UNC5D: variants seen among roughly 807,000 people sequenced by gnomAD.
The protein encoded by UNC5D is unc-5 netrin receptor D.
Under a neutral mutation model 105.4 loss-of-function variants are expected in UNC5D, and 39 were observed. The ratio of observed to expected loss-of-function variants is 0.37; its 90% CI spans 0.29 to 0.48. The LOEUF (loss-of-function observed/expected upper bound fraction) is 0.48. UNC5D is among the 20% of genes least tolerant of loss of function. The probability of loss-of-function intolerance (pLI) is 0.98; values close to 1 mark genes in which losing one functional copy is unlikely to be tolerated. For missense variants in UNC5D, 991 were observed against 1,202.4 expected (o/e 0.82, Z 2.60); for synonymous variants, 452 against 450.4 (o/e 1.00, Z -0.04).
intron 1 of UNC5D, among the ~76,000 whole-genome samples, chr8:35,241,016 A>T (rs1043880613): frequency 3.9e-5 from 6 of 152,174 alleles, no homozygotes; most frequent in Non-Finnish European, 8.8e-5. Context: ...GGCAGATCCC[A>T]CGAGACTATT....
chr8:35,719,356 A>C (rs1371879436), intron 8 of UNC5D, among the ~76,000 whole-genome samples: 1 of 152,160 alleles, frequency 6.6e-6, no homozygotes, highest in Non-Finnish European at 1.5e-5. Flanking sequence ...AAACAATGGG[A>C]TGGAGGTGTG....
At chr8:35,461,369 C>T (rs1027705003) in intron 1 of UNC5D, among the ~76,000 whole-genome samples, 63 of 152,104 alleles carry the variant, frequency 4.1e-4, no homozygotes, top group African/African-American at 1.5e-3. Flanking sequence ...TACTTCTATG[C>T]TACACGCGTG....
chr8:35,245,890 G>A (rs3115002), intron 1 of UNC5D, among the ~76,000 whole-genome samples: 56,647 of 151,872 alleles, frequency 0.37, 11,155 homozygotes, highest in Non-Finnish European at 0.43. Flanking sequence ...AATTTAAATG[G>A]CATTAGTAAC....
chr8:35,686,562 G>T lies in UNC5D; in HGVS notation c.937G>T (p.Val313Leu). The change falls in exon 7 of 17, where the codon GTG (valine) becomes TTG (leucine). Residue 313 changes from valine (V) to leucine (L), a missense_variant. By Grantham distance (32) the Val-to-Leu change is conservative (BLOSUM62 1). This residue lies in a region of UNC5D where 944 missense variants were observed against 1,131.6 expected (regional missense o/e 0.83). Transcript: ENST00000404895. The part of the protein sequence containing the change: ...SLCPVDGSWE[V>L]WSEWSVCSPE... ...CTTTGAAGTGGATGGGAGCTGGGAA[G>T]TGTGGAGCGAATGGTCCGTCTGCAG... 1 of 1,587,274 alleles carries T rather than the reference G, an allele frequency of 6.3e-7. No homozygotes were observed. The highest frequency in any genetic ancestry group is 1.9e-5 in the Admixed American group (1 of 51,530).
intron 1 of UNC5D, among the ~76,000 whole-genome samples, chr8:35,399,005 C>T (rs1585750720): frequency 6.6e-6 from 1 of 151,394 alleles, no homozygotes. Context: ...AAATACAGGG[C>T]ATGGTGGCAT....
chr8:35,278,653 A>G (rs1042395140), intron 1 of UNC5D, among the ~76,000 whole-genome samples: 1 of 152,110 alleles, frequency 6.6e-6, no homozygotes, highest in Non-Finnish European at 1.5e-5. Flanking sequence ...ATGTAAGTAT[A>G]CATGGTGGAA....
At chr8:35,485,924 G>T (rs897243295) in intron 1 of UNC5D, among the ~76,000 whole-genome samples, 9 of 152,136 alleles carry the variant, frequency 5.9e-5, no homozygotes, top group Admixed American at 2.0e-4. Flanking sequence ...AGTGGAACAG[G>T]AACTCCCAGG....
chr8:35,441,907 G>A (rs146225091), intron 1 of UNC5D, among the ~76,000 whole-genome samples: 188 of 151,796 alleles, frequency 1.2e-3, no homozygotes, highest in Middle Eastern at 6.8e-3. Context: ...TTGATGAAGC[G>A]CCCTGTCTTG....
At chr8:35,466,847 G>A (rs2129751899) in intron 1 of UNC5D, among the ~76,000 whole-genome samples, 1 of 152,280 alleles carries the variant, frequency 6.6e-6, no homozygotes, top group South Asian at 2.1e-4. Flanking sequence ...GCTCCCAAGT[G>A]CAGTATAGGC....
chr8:35,719,153 C>CACACAT (rs1828427306), intron 8 of UNC5D, among the ~76,000 whole-genome samples: 1 of 138,510 alleles, frequency 7.2e-6, no homozygotes, highest in Non-Finnish European at 1.5e-5. Context: ...CACACACACA[C>CACACAT]ACACACACAC....
At chr8:35,401,543 G>A (rs1480341932) in intron 1 of UNC5D, among the ~76,000 whole-genome samples, 2 of 152,136 alleles carry the variant, frequency 1.3e-5, no homozygotes, top group African/African-American at 4.8e-5. Flanking sequence ...GTTCTGAGAT[G>A]AGGACACCTC....
At chr8:35,585,050 C>T (rs1818696674) in intron 3 of UNC5D, among the ~76,000 whole-genome samples, 1 of 152,172 alleles carries the variant, frequency 6.6e-6, no homozygotes, top group Non-Finnish European at 1.5e-5. Context: ...CTACAACTGT[C>T]TCTACTCAGC....
At chr8:35,263,272 T>C (rs902573265) in intron 1 of UNC5D, among the ~76,000 whole-genome samples, 4 of 152,252 alleles carry the variant, frequency 2.6e-5, no homozygotes, top group Non-Finnish European at 5.9e-5. Context: ...TCTTAAAATG[T>C]GGCATTTAAT....
At chr8:35,424,726 C>T (rs1196368095) in intron 1 of UNC5D, among the ~76,000 whole-genome samples, 1 of 152,184 alleles carries the variant, frequency 6.6e-6, no homozygotes, top group African/African-American at 2.4e-5. Flanking sequence ...AGGACTCATG[C>T]CCCTGCAACC....
chr8:35,713,856 G>T (rs747556295), intron 8 of UNC5D, among the ~76,000 whole-genome samples: 11 of 152,038 alleles, frequency 7.2e-5, no homozygotes, highest in Non-Finnish European at 1.5e-4. Flanking sequence ...TTTGACCAAA[G>T]AATAGGGTTC....
In UNC5D at chr8:35,399,199, C is replaced by T. The variant is rs148815757; in HGVS notation, c.104-150093C>T. Among the ~76,000 whole-genome samples the T allele has an allele frequency of 2.6e-3, 388 of 150,964 alleles. 2 individuals are homozygous for T. Among genetic ancestry groups the T allele is most frequent in the African/African-American group, 8.8e-3 (363 of 41,082 alleles). On this transcript the variant is annotated intron_variant, in intron 1 of 16. Coordinates refer to ENST00000404895, the MANE Select transcript of UNC5D (RefSeq NM_080872.4). ...CTACATAACCATTAATTCCTCTCACCATTGGAGGGAGGAATTTTGCTCTGA... is the reference window on the plus strand; with the variant it reads ...CTACATAACCATTAATTCCTCTCACTATTGGAGGGAGGAATTTTGCTCTGA...
At chr8:35,355,132 G>T (rs1801476442) in intron 1 of UNC5D, among the ~76,000 whole-genome samples, 1 of 152,106 alleles carries the variant, frequency 6.6e-6, no homozygotes, top group Non-Finnish European at 1.5e-5. Context: ...ATTCGTTGTG[G>T]CAGGGCACAG....
intron 15 of UNC5D, among the ~76,000 whole-genome samples, 195 bp from the exon 16 acceptor site, chr8:35,774,104 A>C (rs1169649251): frequency 1.3e-5 from 2 of 152,182 alleles, no homozygotes; most frequent in Non-Finnish European, 2.9e-5. Flanking sequence ...TCCAGTACAC[A>C]ATTTATTAGG....
chr8:35,450,293 G>T (rs1204061256), intron 1 of UNC5D, among the ~76,000 whole-genome samples: 1 of 152,146 alleles, frequency 6.6e-6, no homozygotes, highest in Non-Finnish European at 1.5e-5. Context: ...CACGTGTCCT[G>T]TCCGTTGCTC....
Sources: gnomAD v4.1 joint callset for allele counts (sites outside exome capture counted in the v4.1 genomes callset) on GRCh38, gnomAD v4.1.1 for gene constraint, gnomAD v4.1.1 regional missense constraint, MANE v1.5 for transcripts, NCBI Gene and HGNC (gene_info 2026-07-23, HGNC 2026-07-21) for gene names.